Variants in CNTN5 observed in about 807,000 individuals in gnomAD.
CNTN5 encodes contactin-5.
A neutral mutation model predicts 129.1 loss-of-function variants in CNTN5; 77 were observed. That is an observed-to-expected ratio of 0.60 (90% CI 0.50 to 0.72). The LOEUF (loss-of-function observed/expected upper bound fraction) is 0.72. CNTN5 is among the 30% of genes least tolerant of loss of function. CNTN5 has a pLI of 0.00. For synonymous variants in CNTN5, 509 were observed against 465.6 expected (o/e 1.09, Z -1.20); for missense variants, 1,478 against 1,328.8 (o/e 1.11, Z -1.75).
At chr11:99,242,794 G>GT (rs1028105276) in intron 1 of CNTN5, among the ~76,000 whole-genome samples, 1 of 152,084 alleles carries the variant, frequency 6.6e-6, no homozygotes, top group African/African-American at 2.4e-5. Context: ...CTCCATTCAT[G>GT]TTGCTGAAAA....
At position 100,232,254 on chromosome 11, in the gene CNTN5, T is replaced by G. The variant is rs188511330; in HGVS notation, c.2005+7442T>G. ...TTAACTTTGAAGAGGAAGAGGAATT[T>G]GAAAAGGAGATGTGAAGTTGCTGTC... On this transcript the variant is annotated intron_variant, in intron 16 of 24. Transcript: ENST00000524871. Among the ~76,000 whole-genome samples the G allele has an allele frequency of 3.9e-3, 592 of 152,168 alleles. 1 individual carries two copies. The highest frequency in any genetic ancestry group is 6.9e-3 in the Non-Finnish European group (469 of 68,008).
chr11:99,642,707 T>G (rs1350307652), intron 3 of CNTN5, among the ~76,000 whole-genome samples: 2 of 152,178 alleles, frequency 1.3e-5, no homozygotes, highest in African/African-American at 4.8e-5. Flanking sequence ...TCCTCCTGTC[T>G]AACTATAACT....
intron 13 of CNTN5, among the ~76,000 whole-genome samples, chr11:100,095,636 T>C (rs1208924802): frequency 1.3e-5 from 2 of 152,234 alleles, no homozygotes; most frequent in South Asian, 4.1e-4. Flanking sequence ...CAAGATGTTG[T>C]TTGAAATAAA....
intron 6 of CNTN5, among the ~76,000 whole-genome samples, chr11:99,861,180 A>G (rs1479288285): frequency 6.6e-6 from 1 of 151,878 alleles, no homozygotes; most frequent in Non-Finnish European, 1.5e-5. Flanking sequence ...GATGGTCTCA[A>G]TCTCCTGACC....
At chr11:100,326,599 C>T (rs1451615476) in intron 21 of CNTN5, among the ~76,000 whole-genome samples, 2 of 152,172 alleles carry the variant, frequency 1.3e-5, no homozygotes, top group East Asian at 1.9e-4. Flanking sequence ...CACACTAACC[C>T]GTTTCCAATC....
chr11:99,150,992 A>G (rs2135487536), intron 1 of CNTN5, among the ~76,000 whole-genome samples: 1 of 152,300 alleles, frequency 6.6e-6, no homozygotes, highest in Middle Eastern at 3.4e-3. Flanking sequence ...CAGAAATAAA[A>G]AATGAAGCTT....
rs77595012 is a variant in CNTN5 at position 99,866,887 on chromosome 11, C to G, written c.577+21625C>G. ...TACCAATCCCTCTTCACCCTTCCCA[C>G]AACATCTTTGTATAGATAGGTGGTC... On this transcript the variant is annotated intron_variant, in intron 6 of 24. Coordinates refer to ENST00000524871, the MANE Select transcript of CNTN5 (RefSeq NM_014361.4). Among the ~76,000 whole-genome samples, 84 of 152,320 alleles carry G rather than the reference C, an allele frequency of 5.5e-4. No homozygotes were observed. In the East Asian group the frequency reaches 0.013, roughly 24 times the overall value.
chr11:99,927,479 G>A (rs1591434288), intron 7 of CNTN5, among the ~76,000 whole-genome samples: 1 of 152,138 alleles, frequency 6.6e-6, no homozygotes, highest in East Asian at 1.9e-4. Context: ...ACGTTTAATT[G>A]ACTCACAGTT....
intron 2 of CNTN5, among the ~76,000 whole-genome samples, chr11:99,468,884 G>A (rs1945056097): frequency 6.6e-6 from 1 of 151,880 alleles, no homozygotes; most frequent in African/African-American, 2.4e-5. Context: ...CTTTCTACTA[G>A]TTTTAGGAAT....
intron 1 of CNTN5, among the ~76,000 whole-genome samples, chr11:99,036,691 G>C (rs764854104): frequency 4.6e-5 from 7 of 152,132 alleles, no homozygotes; most frequent in Admixed American, 6.6e-5. Context: ...CACTATTAGT[G>C]TATTACAGTG....
rs1045843810 is a variant in CNTN5, at chr11:99,819,766, G to T, written c.277+1G>T. The T allele has an allele frequency of 1.9e-6, 3 of 1,560,498 alleles. No homozygotes were observed. Among genetic ancestry groups the T allele is most frequent in the South Asian group, 2.3e-5 (2 of 86,438 alleles). On this transcript the variant is annotated splice_donor_variant, in intron 4 of 24. Transcript: ENST00000524871. LOFTEE classifies it high-confidence loss of function. ...TCCTCAGATGCCTTCAAACAAGATG[G>T]TAAGTGTCAAAGGAAAATGGCTCCA... is the stretch of plus-strand genomic sequence containing the variant.
chr11:99,227,493 T>C (rs921241280), intron 1 of CNTN5, among the ~76,000 whole-genome samples: 1 of 152,100 alleles, frequency 6.6e-6, no homozygotes, highest in African/African-American at 2.4e-5. Context: ...GAATTACTAG[T>C]GATTTGGTAA....
chr11:100,271,038 T>C, intron 17 of CNTN5, 54 bp from the exon 18 acceptor site: 2 of 1,403,068 alleles, frequency 1.4e-6, no homozygotes, highest in East Asian at 2.4e-5. Flanking sequence ...TGATTGCCAT[T>C]TGTAGCATTT....
At chr11:99,666,187 C>T (rs934210571) in intron 3 of CNTN5, among the ~76,000 whole-genome samples, 2 of 152,116 alleles carry the variant, frequency 1.3e-5, no homozygotes, top group Admixed American at 6.6e-5. Context: ...AGGCTAGCCT[C>T]GAACTCCTGA....
chr11:99,830,186 C>T (rs536714422), intron 4 of CNTN5, among the ~76,000 whole-genome samples: 10 of 152,096 alleles, frequency 6.6e-5, no homozygotes, highest in Admixed American at 1.3e-4. Flanking sequence ...TTTTTGATGG[C>T]GGAAATGGTG....
Position 100,269,502 on chromosome 11 carries a change from G to A in CNTN5, c.2165-1590G>A, listed in dbSNP as rs1014708167. 1.2e-4 allele frequency among the ~76,000 whole-genome samples: 19 copies of A among 152,238 alleles called. 1 individual carries two copies. Among genetic ancestry groups the A allele is most frequent in the African/African-American group, 4.6e-4 (19 of 41,548 alleles). On this transcript the variant is annotated intron_variant, in intron 17 of 24. Transcript: ENST00000524871. ...GATGGGAAACATCCATTAGAGATGTGGGAGAGAGAGGAAAAAAGGGCTGGT... is the reference window on the plus strand; with the variant it reads ...GATGGGAAACATCCATTAGAGATGTAGGAGAGAGAGGAAAAAAGGGCTGGT...
At chr11:99,285,062 C>G (rs1235260586) in intron 1 of CNTN5, among the ~76,000 whole-genome samples, 1 of 151,884 alleles carries the variant, frequency 6.6e-6, no homozygotes, top group Admixed American at 6.6e-5. Context: ...TTTGGAAAAT[C>G]TAGATAGTGA....
chr11:99,419,153 T>C (rs541940558), intron 2 of CNTN5, among the ~76,000 whole-genome samples: 144 of 152,292 alleles, frequency 9.5e-4, no homozygotes, highest in African/African-American at 3.2e-3. Context: ...TCATCAACTA[T>C]GCAGAGGGCA....
In CNTN5 at chr11:100,224,808, T is replaced by C; in HGVS notation, c.2001T>C (p.Val667=). ...TGTCAGATGAGGCAGAACTTCTTGT[T>C]AGGGGTGAGTATGCTAATAGTGCAG... The part of the protein sequence containing the change: ...DSVSDEAELL[V]RGPPGPPGIV... Residue 667 remains valine, a synonymous_variant, in exon 16 of 25, where the codon GTT becomes GTC. Transcript: ENST00000524871. 4 of 1,612,964 alleles carry C rather than the reference T, an allele frequency of 2.5e-6. No homozygotes were observed. The highest frequency in any genetic ancestry group is 3.4e-6 in the Non-Finnish European group (4 of 1,179,094).
Sources: gnomAD v4.1 joint callset for allele counts (sites outside exome capture counted in the v4.1 genomes callset) on GRCh38, gnomAD v4.1.1 for gene constraint, MANE v1.5 for transcripts, NCBI Gene and HGNC (gene_info 2026-07-23, HGNC 2026-07-21) for gene names.